SBF2: variants seen among roughly 807,000 people sequenced by gnomAD.
SBF2 encodes the protein myotubularin-related protein 13.
SBF2 carries 112 observed loss-of-function variants against 225.2 expected under a neutral mutation model. The ratio of observed to expected loss-of-function variants is 0.50; its 90% CI spans 0.43 to 0.58. SBF2 has a LOEUF of 0.58. Ranked by LOEUF, SBF2 falls within the 20% of genes least tolerant of loss-of-function variation. SBF2 has a pLI of 0.00. For missense variants in SBF2, 1,996 were observed against 2,206.2 expected, an observed-to-expected ratio of 0.90 and a Z score of 1.91; for synonymous variants, 763 against 773.3, an observed-to-expected ratio of 0.99 and a Z score of 0.22.
At chr11:9,978,215 C>A (rs911303347) in intron 13 of SBF2, among the ~76,000 whole-genome samples, 3 of 152,162 alleles carry the variant, frequency 2.0e-5, no homozygotes, top group African/African-American at 7.2e-5. Context: ...AGTAACTTTA[C>A]TATCATGTTC....
intron 1 of SBF2, among the ~76,000 whole-genome samples, chr11:10,254,077 G>A (rs1010004544): frequency 6.6e-6 from 1 of 152,114 alleles, no homozygotes; most frequent in South Asian, 2.1e-4. Context: ...AAAACAGTAC[G>A]GAGGTTGCTC....
chr11:9,784,557 G>C, intron 37 of SBF2, 119 bp from the exon 38 acceptor site: 1 of 788,072 alleles, frequency 1.3e-6, no homozygotes, highest in South Asian at 1.5e-5. Flanking sequence ...TTCAAAAATG[G>C]CCTATAAGAG....
At chr11:10,275,565 T>C (rs1040215514) in intron 1 of SBF2, among the ~76,000 whole-genome samples, 2 of 152,116 alleles carry the variant, frequency 1.3e-5, no homozygotes, top group African/African-American at 2.4e-5. Flanking sequence ...AATTGCTTTT[T>C]ACTTACATGA....
At chr11:9,920,219 T>TAC (rs371322989) in intron 16 of SBF2, among the ~76,000 whole-genome samples, 2,094 of 149,540 alleles carry the variant, frequency 0.014, 10 homozygotes, top group Admixed American at 0.019. Context: ...TATATATATA[T>TAC]ACACACACAT....
intron 1 of SBF2, among the ~76,000 whole-genome samples, chr11:10,196,364 C>T (rs370103037): frequency 2.0e-5 from 3 of 152,210 alleles, no homozygotes; most frequent in Admixed American, 6.5e-5. Context: ...ATGTATTTTA[C>T]GTTCAAGAAA....
chr11:9,935,334 G>A (rs1289194444), intron 16 of SBF2, among the ~76,000 whole-genome samples: 1 of 152,128 alleles, frequency 6.6e-6, no homozygotes, highest in Admixed American at 6.5e-5. Context: ...AACATTCCAT[G>A]CTCATGGATA....
intron 2 of SBF2, among the ~76,000 whole-genome samples, chr11:10,107,199 C>G (rs556216036): frequency 6.6e-6 from 1 of 152,158 alleles, no homozygotes; most frequent in South Asian, 2.1e-4. Context: ...TGTGTTCACA[C>G]AAAAACTTGA....
Position 10,231,657 on chromosome 11 carries a change from G to A in SBF2, c.56-37670C>T, listed in dbSNP as rs371702753. On this transcript the variant is annotated intron_variant, in intron 1 of 39. Transcript: ENST00000256190. ...GAACTGCAAATGCTGCTGCCTGATC[G>A]TTTCTCTGGAAGTTTTGTCTCAGAG... Among the ~76,000 whole-genome samples, 176 of 152,302 alleles carry A rather than the reference G, an allele frequency of 1.2e-3. 2 individuals carry two copies. In the South Asian group the frequency reaches 0.033, roughly 29 times the overall value.
At chr11:10,086,825 T>C (rs1469413671) in intron 2 of SBF2, among the ~76,000 whole-genome samples, 2 of 152,192 alleles carry the variant, frequency 1.3e-5, no homozygotes, top group Non-Finnish European at 2.9e-5. Flanking sequence ...TATAATACTG[T>C]GGTCCAGATC....
chr11:10,172,576 C>T (rs1956243188), intron 2 of SBF2, among the ~76,000 whole-genome samples: 2 of 152,214 alleles, frequency 1.3e-5, no homozygotes, highest in Admixed American at 1.3e-4. Flanking sequence ...TGGTCTCAAA[C>T]TCCTGACCTC....
intron 1 of SBF2, among the ~76,000 whole-genome samples, chr11:10,243,145 C>A (rs1296768412): frequency 2.0e-5 from 3 of 151,346 alleles, no homozygotes; most frequent in African/African-American, 7.3e-5. Context: ...TTTCCAGCCA[C>A]AATGGAATGA....
intron 16 of SBF2, chr11:9,959,539 T>C (rs1590610345): frequency 1.3e-6 from 1 of 786,272 alleles, no homozygotes; most frequent in South Asian, 1.3e-5. Context: ...GTGGAGGTCC[T>C]TGTGGAAGGG....
At chr11:9,836,272 A>G (rs975513095) in intron 26 of SBF2, among the ~76,000 whole-genome samples, 1 of 152,082 alleles carries the variant, frequency 6.6e-6, no homozygotes, top group Non-Finnish European at 1.5e-5. Context: ...TAACAAACCT[A>G]TTGTTTTATT....
intron 32 of SBF2, among the ~76,000 whole-genome samples, chr11:9,801,049 A>C (rs1996794): frequency 0.29 from 44,349 of 152,076 alleles, 6,644 homozygotes; most frequent in Middle Eastern, 0.41. Flanking sequence ...GTGTGCTTCA[A>C]ATAAATTTAG....
chr11:10,202,692 G>A (rs1957609167), intron 1 of SBF2, among the ~76,000 whole-genome samples: 3 of 152,220 alleles, frequency 2.0e-5, no homozygotes, highest in African/African-American at 7.2e-5. Flanking sequence ...GGAGTCTGAG[G>A]CAGGAGAATG....
Position 10,294,148 on chromosome 11 carries a change from A to G in SBF2, c.-79T>C. 1 of 1,118,278 alleles carries G rather than the reference A, an allele frequency of 8.9e-7. No homozygotes were observed. Among genetic ancestry groups the G allele is most frequent in the Non-Finnish European group, 1.2e-6 (1 of 868,762 alleles). The allele number at this position is 1,118,278 out of a possible 1,614,324, so 69.3% of individuals were successfully genotyped here. ...CCGCCCACCCGGCCCGGGAGGGCTC[A>G]GCATTTTCCCTGCAGCGGCAGTAGC... is the stretch of plus-strand genomic sequence containing the variant. On this transcript the variant is annotated 5_prime_UTR_variant, in exon 1 of 40. An upstream open reading frame in the 5' UTR loses its in-frame stop. Coordinates refer to ENST00000256190, the MANE Select transcript of SBF2 (RefSeq NM_030962.4).
intron 6 of SBF2, among the ~76,000 whole-genome samples, chr11:10,007,618 G>A (rs1948253361): frequency 6.6e-6 from 1 of 152,114 alleles, no homozygotes. Context: ...CCATAGTCAG[G>A]CAGCCCCCTC....
chr11:9,815,713 A>C (rs1303505790), intron 29 of SBF2, among the ~76,000 whole-genome samples: 1 of 152,202 alleles, frequency 6.6e-6, no homozygotes, highest in Non-Finnish European at 1.5e-5. Context: ...GCTCTGGAAA[A>C]GACACTGGCA....
intron 1 of SBF2, among the ~76,000 whole-genome samples, chr11:10,259,302 T>C (rs1961201251): frequency 6.6e-6 from 1 of 152,166 alleles, no homozygotes; most frequent in Non-Finnish European, 1.5e-5. Context: ...AATTCCCATG[T>C]ATAAAATGGA....
Sources: allele counts gnomAD v4.1 joint callset (sites outside exome capture counted in the v4.1 genomes callset), GRCh38; gene constraint gnomAD v4.1.1; transcripts MANE v1.5; gene names NCBI Gene and HGNC (gene_info 2026-07-23, HGNC 2026-07-21).